Variants in THSD7A observed in about 807,000 individuals in gnomAD.
The protein encoded by THSD7A is thrombospondin type 1 domain containing 7A, also known as thrombospondin type-1 domain-containing protein 7A.
Under a neutral mutation model 231.3 loss-of-function variants are expected in THSD7A, and 96 were observed. The observed-to-expected ratio is 0.41, with a 90% CI of 0.35 to 0.49. THSD7A has a LOEUF of 0.49. Ranked by LOEUF, THSD7A falls within the 20% of genes least tolerant of loss-of-function variation. The pLI, the probability that THSD7A is intolerant of heterozygous loss-of-function variation, is 0.05. For synonymous variants in THSD7A, 940 were observed against 743.3 expected (o/e 1.26, Z -4.30); for missense variants, 2,290 against 2,070.2 (o/e 1.11, Z -2.06).
chr7:11,714,971 A>T (rs1292887058), intron 1 of THSD7A, among the ~76,000 whole-genome samples: 2 of 151,286 alleles, frequency 1.3e-5, no homozygotes, highest in East Asian at 3.9e-4. Flanking sequence ...TTTCTCTCAC[A>T]CTGGGCTGTA....
At chr7:11,709,306 C>T (rs920127405) in intron 1 of THSD7A, among the ~76,000 whole-genome samples, 1 of 150,694 alleles carries the variant, frequency 6.6e-6, no homozygotes, top group Non-Finnish European at 1.5e-5. Context: ...TTCTCTTAAG[C>T]ACATGAATTT....
intron 1 of THSD7A, among the ~76,000 whole-genome samples, chr7:11,738,555 G>A (rs967624636): frequency 1.3e-5 from 2 of 152,018 alleles, no homozygotes; most frequent in Non-Finnish European, 2.9e-5. Context: ...CTAGCTTAAA[G>A]TTAAGTTTCT....
intron 1 of THSD7A, among the ~76,000 whole-genome samples, chr7:11,680,836 C>G (rs1486744800): frequency 6.6e-6 from 1 of 152,122 alleles, no homozygotes; most frequent in African/African-American, 2.4e-5. Context: ...TTTGACCCAG[C>G]AATCCCATCA....
At chr7:11,582,457 C>T (rs901356299) in intron 4 of THSD7A, among the ~76,000 whole-genome samples, 1 of 152,016 alleles carries the variant, frequency 6.6e-6, no homozygotes, top group Non-Finnish European at 1.5e-5. Context: ...ACTAAATGCA[C>T]ATTATAATAT....
At chr7:11,732,641 A>G (rs887234514) in intron 1 of THSD7A, among the ~76,000 whole-genome samples, 12 of 151,690 alleles carry the variant, frequency 7.9e-5, no homozygotes, top group African/African-American at 2.7e-4. Flanking sequence ...CACCACTTCC[A>G]CCACCACCAC....
At chr7:11,418,208 A>C (rs944292680) in intron 16 of THSD7A, among the ~76,000 whole-genome samples, 1 of 152,190 alleles carries the variant, frequency 6.6e-6, no homozygotes, top group African/African-American at 2.4e-5. Flanking sequence ...CTTAAAAGAA[A>C]GTGAGAAGTG....
intron 2 of THSD7A, among the ~76,000 whole-genome samples, chr7:11,608,876 A>G (rs534261993): frequency 2.6e-5 from 4 of 152,224 alleles, no homozygotes; most frequent in East Asian, 3.9e-4. Flanking sequence ...CTTGCTGCAC[A>G]TGTTTCCTAT....
chr7:11,451,066 T>G lies in THSD7A; in HGVS notation c.2606-3642A>C, dbSNP rs1785127863. Among the ~76,000 whole-genome samples, 3 of 152,036 alleles carry G rather than the reference T, an allele frequency of 2.0e-5. No homozygotes were observed. In the South Asian group the frequency reaches 6.2e-4, roughly 31 times the overall value. On this transcript the variant is annotated intron_variant, in intron 11 of 27. Coordinates refer to ENST00000423059, the MANE Select transcript of THSD7A (RefSeq NM_015204.3). ...CACGGGAAGAATCAATATGACTGATTTGTGGGTTACATATGAATCAACTTA... is the reference window on the plus strand; with the variant it reads ...CACGGGAAGAATCAATATGACTGATGTGTGGGTTACATATGAATCAACTTA...
At chr7:11,821,904 A>G (rs1399015395) in intron 1 of THSD7A, among the ~76,000 whole-genome samples, 1 of 152,242 alleles carries the variant, frequency 6.6e-6, no homozygotes, top group African/African-American at 2.4e-5. Flanking sequence ...AAACTGTAAA[A>G]TAACAACTAG....
At chr7:11,678,229 A>G (rs1208997737) in intron 1 of THSD7A, among the ~76,000 whole-genome samples, 1 of 152,222 alleles carries the variant, frequency 6.6e-6, no homozygotes, top group Non-Finnish European at 1.5e-5. Flanking sequence ...CTAAATGCCC[A>G]TAGGAGAAAG....
intron 2 of THSD7A, among the ~76,000 whole-genome samples, chr7:11,619,719 G>C (rs192612338): frequency 6.6e-6 from 1 of 151,916 alleles, no homozygotes; most frequent in African/African-American, 2.4e-5. Context: ...ACTGCAACCC[G>C]CCCAATTTAC....
At chr7:11,635,728 T>C (rs1584118674) in intron 2 of THSD7A, among the ~76,000 whole-genome samples, 2 of 152,254 alleles carry the variant, frequency 1.3e-5, no homozygotes, top group African/African-American at 4.8e-5. Context: ...AAATGCTGTC[T>C]TGGAGAGATT....
intron 1 of THSD7A, among the ~76,000 whole-genome samples, chr7:11,671,465 T>A (rs2128378492): frequency 6.6e-6 from 1 of 152,322 alleles, no homozygotes; most frequent in East Asian, 1.9e-4. Context: ...ACATTCCTCT[T>A]GCTGAGAAAC....
chr7:11,698,852 G>A (rs1320659720), intron 1 of THSD7A, among the ~76,000 whole-genome samples: 2 of 151,382 alleles, frequency 1.3e-5, no homozygotes, highest in Non-Finnish European at 3.0e-5. Context: ...TAGTTACGTA[G>A]AAGTGGAGAA....
At chr7:11,381,669 A>G (rs1221131706) in intron 24 of THSD7A, among the ~76,000 whole-genome samples, 1 of 152,140 alleles carries the variant, frequency 6.6e-6, no homozygotes, top group Non-Finnish European at 1.5e-5. Context: ...AATTCCTATA[A>G]GTTAGATTTA....
chr7:11,759,888 A>T (rs1782800329), intron 1 of THSD7A, among the ~76,000 whole-genome samples: 1 of 152,110 alleles, frequency 6.6e-6, no homozygotes, highest in Non-Finnish European at 1.5e-5. Context: ...TGTTGCATAG[A>T]GAAGTTAGTG....
intron 10 of THSD7A, among the ~76,000 whole-genome samples, chr7:11,461,510 G>A (rs4719276): frequency 0.03 from 4,528 of 152,074 alleles, 214 homozygotes; most frequent in African/African-American, 0.099. Flanking sequence ...ATATAGCTTC[G>A]ATAACTACAA....
At chr7:11,469,791 C>T in intron 9 of THSD7A, 88 bp downstream of exon 9, 1 of 877,838 alleles carries the variant, frequency 1.1e-6, no homozygotes, top group Non-Finnish European at 1.8e-6. Flanking sequence ...CTGTGCAAAA[C>T]TCACAAACAT....
In THSD7A at chr7:11,481,869, A is replaced by T. The variant is rs569262459; in HGVS notation, c.1936T>A (p.Cys646Ser). Reference sequence around the variant, plus strand: ...GTTTTCCCTGAGCAGGTGTGTGAGCAGGAGGACCACGTAGACCATGTGCTG... The same window carrying T: ...GTTTTCCCTGAGCAGGTGTGTGAGCTGGAGGACCACGTAGACCATGTGCTG... Reference protein sequence around the residue: ...VLSTWSTWSSCSHTCSGKTTE... With the variant: ...VLSTWSTWSSSSHTCSGKTTE... The change falls in exon 7 of 28, where the codon TGC becomes AGC. Residue 646 changes from cysteine to serine, a missense_variant. Coordinates refer to ENST00000423059, the MANE Select transcript of THSD7A (RefSeq NM_015204.3). 6.2e-7 allele frequency: 1 copy of T among 1,613,790 alleles called. No individual in the cohort carries two copies. The highest frequency in any genetic ancestry group is 1.1e-5 in the South Asian group (1 of 91,074).
Sources: allele counts gnomAD v4.1 joint callset (sites outside exome capture counted in the v4.1 genomes callset), GRCh38; gene constraint gnomAD v4.1.1; transcripts MANE v1.5; gene names NCBI Gene and HGNC (gene_info 2026-07-23, HGNC 2026-07-21).